PRKAR2A: variants seen among roughly 807,000 people sequenced by gnomAD.
PRKAR2A encodes cAMP-dependent protein kinase type II-alpha regulatory subunit.
PRKAR2A carries 29 observed loss-of-function variants against 51.9 expected under a neutral mutation model. That is an observed-to-expected ratio of 0.56 (90% CI 0.42 to 0.76). The LOEUF is 0.76. Among genes scored for constraint, PRKAR2A ranks in the 30% least tolerant of loss-of-function variants. The pLI, the probability that PRKAR2A is intolerant of heterozygous loss-of-function variation, is 0.00. For missense variants in PRKAR2A, 445 were observed against 512.1 expected (o/e 0.87, Z 1.26); for synonymous variants, 178 against 186.2 (o/e 0.96, Z 0.36).
chr3:48,764,996 T>A lies in PRKAR2A; in HGVS notation c.873+8A>T. ...CCAGGAAAGGAGCTGCGTAAAGCCCTCACTCACCTGAGTGATTATGCGTTC... is the reference window on the plus strand; with the variant it reads ...CCAGGAAAGGAGCTGCGTAAAGCCCACACTCACCTGAGTGATTATGCGTTC... On this transcript the variant is annotated splice_region_variant and intron_variant, in intron 8 of 10. Transcript: ENST00000265563. 1 of 1,612,614 alleles carries A rather than the reference T, an allele frequency of 6.2e-7. No individual in the cohort carries two copies. Among genetic ancestry groups the A allele is most frequent in the Non-Finnish European group, 8.5e-7 (1 of 1,178,616 alleles).
rs768873205 is a variant in PRKAR2A, at chr3:48,847,387, A to G, written c.210T>C (p.Arg70=). The G allele has an allele frequency of 6.2e-7, 1 of 1,612,192 alleles. No individual in the cohort carries two copies. Among genetic ancestry groups the G allele is most frequent in the African/African-American group, 1.3e-5 (1 of 74,848 alleles). Residue 70 remains arginine, a synonymous_variant, in exon 1 of 11, where the codon CGT becomes CGC. Coordinates refer to ENST00000265563, the MANE Select transcript of PRKAR2A (RefSeq NM_004157.4). The surrounding 1 kb of genome is among the most constrained non-coding windows in gnomAD (Gnocchi z 4.4). ...GHPPPEPGPD[R]VADAKGDSES... ...CGCTGTCCCCTTTGGCGTCGGCGACACGGTCCGGGCCGGGTTCTGGCGGGG... is the reference window on the plus strand; with the variant it reads ...CGCTGTCCCCTTTGGCGTCGGCGACGCGGTCCGGGCCGGGTTCTGGCGGGG...
At chr3:48,778,354 C>G (rs191720439) in intron 5 of PRKAR2A, among the ~76,000 whole-genome samples, 82 of 152,134 alleles carry the variant, frequency 5.4e-4, no homozygotes, top group Admixed American at 5.3e-3. Flanking sequence ...CAGGGTCTCA[C>G]TTTGTCCCCC....
At chr3:48,771,565 A>T (rs1460903245) in intron 6 of PRKAR2A, among the ~76,000 whole-genome samples, 2 of 151,812 alleles carry the variant, frequency 1.3e-5, no homozygotes, top group African/African-American at 4.8e-5. Flanking sequence ...TTCTGATTTC[A>T]TTTTTTCTTT....
At chr3:48,777,553 C>T (rs1285273904) in intron 5 of PRKAR2A, among the ~76,000 whole-genome samples, 1 of 152,006 alleles carries the variant, frequency 6.6e-6, no homozygotes, top group African/African-American at 2.4e-5. Context: ...CTACAGGCAC[C>T]CGCCACCACG....
At position 48,836,279 on chromosome 3, in the gene PRKAR2A, C is replaced by T. The variant is rs191091877; in HGVS notation, c.262+11056G>A. Among the ~76,000 whole-genome samples, 374 of 151,198 alleles carry T rather than the reference C, an allele frequency of 2.5e-3. 2 individuals carry two copies. Among genetic ancestry groups the T allele is most frequent in the African/African-American group, 8.8e-3 (361 of 41,174 alleles). On this transcript the variant is annotated intron_variant, in intron 1 of 10. Coordinates refer to ENST00000265563, the MANE Select transcript of PRKAR2A (RefSeq NM_004157.4). ...CCAAAAATACAAAAAATTAGCCAGGCGTGGTGACGGGTACCTGTAATCCCA... is the reference window on the plus strand; with the variant it reads ...CCAAAAATACAAAAAATTAGCCAGGTGTGGTGACGGGTACCTGTAATCCCA...
intron 1 of PRKAR2A, among the ~76,000 whole-genome samples, chr3:48,834,839 G>T (rs996391313): frequency 6.7e-6 from 1 of 150,136 alleles, no homozygotes; most frequent in South Asian, 2.1e-4. Context: ...ACAACAAAAA[G>T]ACAAATAAAC....
At chr3:48,828,124 C>T (rs984685271) in intron 1 of PRKAR2A, among the ~76,000 whole-genome samples, 1 of 152,206 alleles carries the variant, frequency 6.6e-6, no homozygotes, top group Non-Finnish European at 1.5e-5. Context: ...CCTCTGCCTC[C>T]TAAAGTGCTG....
intron 1 of PRKAR2A, among the ~76,000 whole-genome samples, chr3:48,837,071 T>G (rs2083298787): frequency 6.6e-6 from 1 of 152,002 alleles, no homozygotes; most frequent in South Asian, 2.1e-4. Context: ...TAGGCTGCAG[T>G]GAGCTATGAT....
At chr3:48,834,726 G>GAA (rs567543851) in intron 1 of PRKAR2A, among the ~76,000 whole-genome samples, 5 of 49,698 alleles carry the variant, frequency 1.0e-4, no homozygotes, top group South Asian at 7.1e-4. Context: ...CCTGTCTCAA[G>GAA]AAAAAAAAAA....
In PRKAR2A at chr3:48,847,687, G is replaced by T. The variant is rs899506588; in HGVS notation, c.-91C>A. The T allele has an allele frequency of 7.8e-7, 1 of 1,287,022 alleles. No homozygotes were observed. Among genetic ancestry groups the T allele is most frequent in the African/African-American group, 1.6e-5 (1 of 63,252 alleles). 79.7% of individuals were successfully genotyped at this position (1,287,022 alleles called of 1,614,324 possible). A position where few individuals can be genotyped will look rare whatever the true frequency, so the allele number is the denominator to read the frequency against. On this transcript the variant is annotated 5_prime_UTR_variant, in exon 1 of 11. Transcript: ENST00000265563. This position sits in a 1 kb window ranked among gnomAD's most constrained non-coding sequence, Gnocchi z 4.4. ...CGCCGGCCTTTCGCTCCGCGCCCGC[G>T]AGGTCTCTTCGCGCACGGCCCCGGC...
intron 5 of PRKAR2A, among the ~76,000 whole-genome samples, chr3:48,781,209 C>T (rs1277008191): frequency 1.4e-5 from 2 of 147,044 alleles, no homozygotes; most frequent in Non-Finnish European, 3.0e-5. Context: ...TGGTTTTGAA[C>T]TCCTGACCTC....
At chr3:48,801,090 A>C (rs2082582430) in intron 2 of PRKAR2A, among the ~76,000 whole-genome samples, 1 of 151,902 alleles carries the variant, frequency 6.6e-6, no homozygotes, top group African/African-American at 2.4e-5. Flanking sequence ...AGTGATTCTC[A>C]TGTCTCAGCC....
intron 2 of PRKAR2A, among the ~76,000 whole-genome samples, chr3:48,795,291 T>C (rs1381146020): frequency 6.6e-6 from 1 of 152,056 alleles, no homozygotes; most frequent in Non-Finnish European, 1.5e-5. Context: ...CATTTTTATA[T>C]AAAAAGTTTT....
rs377182755 is a variant in PRKAR2A, at chr3:48,769,826, G to A, written c.696+3129C>T. Among the ~76,000 whole-genome samples, 18 of 151,976 alleles carry A rather than the reference G, an allele frequency of 1.2e-4. No individual in the cohort carries two copies. In the East Asian group the frequency reaches 2.5e-3, roughly 21 times the overall value. On this transcript the variant is annotated intron_variant, in intron 6 of 10. Transcript: ENST00000265563. ...GTCTCACTCTGTCACTCAGCAGGCT[G>A]GAGTGTAGTGGCATGATCACAGCTC...
chr3:48,755,945 ATT>A (rs887084839), intron 9 of PRKAR2A, among the ~76,000 whole-genome samples: 2 of 151,366 alleles, frequency 1.3e-5, no homozygotes, highest in Admixed American at 6.6e-5. Flanking sequence ...TGCCTGGCTA[ATT>A]TTTTTTGTAT....
At position 48,840,323 on chromosome 3, in the gene PRKAR2A, C is replaced by T. The variant is rs546695516; in HGVS notation, c.262+7012G>A. ...CAGCCTGGCTAACATGGTGAAACCC[C>T]GTCTCTACTAAAAATACAAAAACTA... On this transcript the variant is annotated intron_variant, in intron 1 of 10. Coordinates refer to ENST00000265563, the MANE Select transcript of PRKAR2A (RefSeq NM_004157.4). Among the ~76,000 whole-genome samples, 7 of 151,806 alleles carry T rather than the reference C, an allele frequency of 4.6e-5. No individual in the cohort carries two copies. In the East Asian group the frequency reaches 5.9e-4, roughly 13 times the overall value.
intron 6 of PRKAR2A, among the ~76,000 whole-genome samples, chr3:48,771,887 A>G (rs372692608): frequency 9.9e-5 from 15 of 152,238 alleles, no homozygotes; most frequent in African/African-American, 3.4e-4. Flanking sequence ...AAGTTCTTCT[A>G]TATCCTAGCT....
intron 1 of PRKAR2A, among the ~76,000 whole-genome samples, chr3:48,829,569 CATAA>C (rs1471206877): frequency 2.9e-5 from 2 of 68,912 alleles, no homozygotes; most frequent in African/African-American, 1.2e-4. Context: ...TATATACACA[CATAA>C]ATATATATGT....
chr3:48,778,821 ATTT>A, intron 5 of PRKAR2A, among the ~76,000 whole-genome samples: 1 of 86,402 alleles, frequency 1.2e-5, no homozygotes, highest in African/African-American at 4.7e-5. Context: ...CTCGGCCTGC[ATTT>A]TTTTTTTTTT....
Sources: allele counts gnomAD v4.1 joint callset (sites outside exome capture counted in the v4.1 genomes callset), GRCh38; gene constraint gnomAD v4.1.1; non-coding constraint Gnocchi (gnomAD v3.1); transcripts MANE v1.5; gene names NCBI Gene and HGNC (gene_info 2026-07-23, HGNC 2026-07-21).